RBFOX1: variants seen among roughly 807,000 people sequenced by gnomAD.
RBFOX1 encodes RNA binding protein fox-1 homolog 1.
Under a neutral mutation model 57.7 loss-of-function variants are expected in RBFOX1, and 8 were observed. The ratio of observed to expected loss-of-function variants is 0.14; its 90% CI spans 0.08 to 0.25. The LOEUF (loss-of-function observed/expected upper bound fraction) is 0.25. Ranked by LOEUF, RBFOX1 falls within the 10% of genes least tolerant of loss-of-function variation. RBFOX1 has a pLI of 1.00. For missense variants in RBFOX1, 611 were observed against 548.5 expected, an observed-to-expected ratio of 1.11 and a Z score of -1.14; for synonymous variants, 326 against 222.4, an observed-to-expected ratio of 1.47 and a Z score of -4.15.
intron 14 of RBFOX1, among the ~76,000 whole-genome samples, chr16:7,686,573 C>G (rs1203716921): frequency 6.6e-6 from 1 of 151,822 alleles, no homozygotes; most frequent in Non-Finnish European, 1.5e-5. Context: ...TCTACACAGA[C>G]AAAAAAAGAA....
At chr16:6,197,564 C>CT (rs1349974896) in intron 1 of RBFOX1, among the ~76,000 whole-genome samples, 3 of 152,082 alleles carry the variant, frequency 2.0e-5, no homozygotes, top group Admixed American at 6.6e-5. Flanking sequence ...TTCTGTTTCC[C>CT]GCAAAGACAA....
chr16:5,329,728 G>A (rs116381100), intron 1 of RBFOX1, among the ~76,000 whole-genome samples: 3,745 of 152,312 alleles, frequency 0.025, 168 homozygotes, highest in African/African-American at 0.085. Context: ...GGCCGGGCGC[G>A]GTGGCTTACG....
chr16:6,098,418 C>T (rs947886247), intron 1 of RBFOX1, among the ~76,000 whole-genome samples: 28 of 152,232 alleles, frequency 1.8e-4, no homozygotes, highest in African/African-American at 6.8e-4. Flanking sequence ...TGCCCACTTG[C>T]ACTGCCTCCT....
intron 3 of RBFOX1, among the ~76,000 whole-genome samples, chr16:6,753,379 C>G (rs1044704804): frequency 6.6e-6 from 1 of 152,152 alleles, no homozygotes; most frequent in African/African-American, 2.4e-5. Context: ...GTCATATAGT[C>G]AACACATAGA....
intron 4 of RBFOX1, among the ~76,000 whole-genome samples, chr16:7,106,398 C>G (rs1348201892): frequency 1.3e-5 from 2 of 152,060 alleles, no homozygotes; most frequent in Admixed American, 6.6e-5. Context: ...TTTTACAGCT[C>G]TTTATTCTTC....
At chr16:6,302,902 T>C (rs2078989742) in intron 1 of RBFOX1, among the ~76,000 whole-genome samples, 1 of 152,230 alleles carries the variant, frequency 6.6e-6, no homozygotes, top group Non-Finnish European at 1.5e-5. Flanking sequence ...ATGTAGTGAA[T>C]GCATCTTTGA....
upstream of RBFOX1, among the ~76,000 whole-genome samples, chr16:6,017,539 C>T (rs1310777488): frequency 6.6e-6 from 1 of 152,114 alleles, no homozygotes; most frequent in Admixed American, 6.5e-5. Context: ...TGCTTACATA[C>T]AAATATATTA....
intron 3 of RBFOX1, among the ~76,000 whole-genome samples, chr16:7,029,085 C>CACAG: frequency 6.4e-5 from 1 of 15,718 alleles, no homozygotes; most frequent in African/African-American, 5.1e-4. Context: ...TATATATACA[C>CACAG]ACACACACAC....
At chr16:5,957,160 C>A (rs2059659722) in intron 4 of RBFOX1, among the ~76,000 whole-genome samples, 1 of 152,116 alleles carries the variant, frequency 6.6e-6, no homozygotes, top group African/African-American at 2.4e-5. Context: ...TGAACAAGTT[C>A]TTAGGTGATT....
At chr16:7,146,391 C>T (rs2074984632) in intron 4 of RBFOX1, among the ~76,000 whole-genome samples, 2 of 152,200 alleles carry the variant, frequency 1.3e-5, no homozygotes, top group African/African-American at 4.8e-5. Context: ...CATCAGTATA[C>T]TTTGCTGAAC....
At chr16:7,446,798 A>ATTTTTTTT (rs34580591) in intron 4 of RBFOX1, among the ~76,000 whole-genome samples, 2 of 48,970 alleles carry the variant, frequency 4.1e-5, no homozygotes, top group Non-Finnish European at 6.9e-5. Flanking sequence ...AGGTCTAGGT[A>ATTTTTTTT]TTTTTTTTTT....
At chr16:7,590,190 C>T (rs992043804) in intron 7 of RBFOX1, among the ~76,000 whole-genome samples, 1 of 151,608 alleles carries the variant, frequency 6.6e-6, no homozygotes, top group Admixed American at 6.6e-5. Context: ...TTGCTTGATC[C>T]CAGGAGGTCA....
At chr16:7,364,575 CA>C (rs1183081362) in intron 4 of RBFOX1, among the ~76,000 whole-genome samples, 3,006 of 52,440 alleles carry the variant, frequency 0.057, 47 homozygotes, top group African/African-American at 0.13. Context: ...TCAAGAAGAC[CA>C]AAAAAAAAAA....
rs192917470 is a variant in RBFOX1 at position 5,373,823 on chromosome 16, C to T, written c.220-93393C>T. 4.7e-3 allele frequency among the ~76,000 whole-genome samples: 721 copies of T among 152,266 alleles called. 18 individuals are homozygous for T. Among genetic ancestry groups the T allele is most frequent in the Admixed American group, 0.042 (642 of 15,296 alleles). Reference sequence around the variant, plus strand: ...TTCACCATACTGGTCAGGCTGGTCTCGAACTCCTGACCTCAAGTGATCCAC... The same window carrying T: ...TTCACCATACTGGTCAGGCTGGTCTTGAACTCCTGACCTCAAGTGATCCAC... On this transcript the variant is annotated intron_variant, in intron 1 of 2. Coordinates refer to the RBFOX1 transcript ENST00000585867.
chr16:6,826,500 A>T (rs1306215885), intron 3 of RBFOX1, among the ~76,000 whole-genome samples: 1 of 152,178 alleles, frequency 6.6e-6, no homozygotes, highest in Non-Finnish European at 1.5e-5. Context: ...TGCCTGGTAT[A>T]CAATAAGCGT....
At chr16:5,715,842 T>G (rs530915004) in intron 3 of RBFOX1, among the ~76,000 whole-genome samples, 49 of 152,112 alleles carry the variant, frequency 3.2e-4, no homozygotes, top group South Asian at 6.2e-4. Context: ...GAGAAGGGGG[T>G]TTAATTGCAT....
chr16:5,901,704 G>T (rs1487287394), intron 4 of RBFOX1, among the ~76,000 whole-genome samples: 1 of 152,200 alleles, frequency 6.6e-6, no homozygotes, highest in Non-Finnish European at 1.5e-5. Context: ...CCACATCAGA[G>T]AGCAAGGTTA....
chr16:7,077,250 T>G lies in RBFOX1; in HGVS notation c.27+25152T>G, dbSNP rs190781460. Among the ~76,000 whole-genome samples the G allele has an allele frequency of 1.8e-3, 271 of 152,332 alleles. 2 individuals are homozygous for G. In the Middle Eastern group the frequency reaches 0.041, roughly 23 times the overall value. On this transcript the variant is annotated intron_variant, in intron 4 of 15. Transcript: ENST00000550418. ...AATCCATGAGGGGAAATGTTGGCAT[T>G]GGTGGGCAAGGTACTGTTAGCCCCA...
chr16:7,416,921 C>T (rs778666319), intron 4 of RBFOX1, among the ~76,000 whole-genome samples: 4 of 152,138 alleles, frequency 2.6e-5, no homozygotes, highest in Non-Finnish European at 5.9e-5. Flanking sequence ...CATTTTATAG[C>T]AGAAAACTGG....
Sources: allele counts gnomAD v4.1 joint callset (sites outside exome capture counted in the v4.1 genomes callset), GRCh38; gene constraint gnomAD v4.1.1; transcripts MANE v1.5; gene names NCBI Gene and HGNC (gene_info 2026-07-23, HGNC 2026-07-21).